RARB: variants seen among roughly 807,000 people sequenced by gnomAD.
RARB encodes the protein retinoic acid receptor beta, also known as HBV-activated protein.
RARB carries 17 observed loss-of-function variants against 51.9 expected under a neutral mutation model. The ratio of observed to expected loss-of-function variants is 0.33; its 90% confidence interval spans 0.22 to 0.49. The LOEUF (loss-of-function observed/expected upper bound fraction) is 0.49, where lower values mean the gene tolerates loss of function less well. Ranked by LOEUF, RARB falls within the 20% of genes least tolerant of loss-of-function variation. RARB has a pLI of 0.99. For missense variants in RARB, 369 were observed against 550.8 expected (o/e 0.67, Z 3.30); for synonymous variants, 215 against 195.4 (o/e 1.10, Z -0.84).
chr3:24,852,148 G>T (rs1351035661), intron 1 of RARB, among the ~76,000 whole-genome samples: 2 of 152,066 alleles, frequency 1.3e-5, no homozygotes, highest in African/African-American at 4.8e-5. Flanking sequence ...TTAGTGATGG[G>T]TTAACAGTAA....
intron 3 of RARB, among the ~76,000 whole-genome samples, chr3:25,112,746 C>T (rs756837999): frequency 6.6e-6 from 1 of 152,128 alleles, no homozygotes; most frequent in African/African-American, 2.4e-5. Context: ...CCACTGCACT[C>T]CAGCCTGGGT....
At chr3:25,389,475 G>A (rs959500524) in intron 5 of RARB, among the ~76,000 whole-genome samples, 1 of 152,122 alleles carries the variant, frequency 6.6e-6, no homozygotes, top group Non-Finnish European at 1.5e-5. Context: ...ATCAGTAAAA[G>A]GGTGCCAGCA....
intron 5 of RARB, among the ~76,000 whole-genome samples, chr3:25,387,775 C>T (rs1706838985): frequency 6.6e-6 from 1 of 152,008 alleles, no homozygotes; most frequent in African/African-American, 2.4e-5. Flanking sequence ...GCGTTCCCAC[C>T]CTCCTGACAA....
intron 5 of RARB, among the ~76,000 whole-genome samples, chr3:25,320,732 G>A (rs1704546796): frequency 1.3e-5 from 2 of 152,296 alleles, no homozygotes; most frequent in South Asian, 4.1e-4. Context: ...TGCTAAAGGA[G>A]CTTTTTGTGA....
intron 5 of RARB, among the ~76,000 whole-genome samples, chr3:25,360,824 G>A (rs1006184039): frequency 1.3e-5 from 2 of 152,158 alleles, no homozygotes; most frequent in African/African-American, 4.8e-5. Flanking sequence ...CTTCTGGCTT[G>A]TAGGGTTTCT....
rs78550961 is a variant in RARB at position 25,191,509 on chromosome 3, A to G, written c.178+16934A>G. On this transcript the variant is annotated intron_variant, in intron 5 of 11. Transcript: ENST00000383772. ...CAGGGAGATTCTGAGTAACTTTGTT[A>G]AATGAAGGAAAGAATCCAAAAATGG... is the stretch of plus-strand genomic sequence containing the variant. Among the ~76,000 whole-genome samples the G allele has an allele frequency of 2.2e-3, 335 of 152,244 alleles. 2 individuals carry two copies. The highest frequency in any genetic ancestry group is 0.02 in the East Asian group (104 of 5,166).
At chr3:25,083,968 G>A (rs1699058631) in intron 3 of RARB, among the ~76,000 whole-genome samples, 1 of 152,132 alleles carries the variant, frequency 6.6e-6, no homozygotes, top group African/African-American at 2.4e-5. Context: ...ATGTTGTCCA[G>A]TACTGTGTGG....
intron 5 of RARB, among the ~76,000 whole-genome samples, chr3:25,313,343 G>A (rs1704337336): frequency 6.6e-6 from 1 of 152,138 alleles, no homozygotes; most frequent in Admixed American, 6.5e-5. Context: ...AAGTTTCTAG[G>A]GACGGCCCTG....
chr3:24,864,328 C>A (rs1210938413), intron 2 of RARB, among the ~76,000 whole-genome samples: 1 of 152,170 alleles, frequency 6.6e-6, no homozygotes, highest in South Asian at 2.1e-4. Flanking sequence ...TTTTCCTTTG[C>A]CATTCAGTGT....
intron 5 of RARB, among the ~76,000 whole-genome samples, chr3:25,177,184 A>G (rs1301722870): frequency 6.6e-6 from 1 of 152,248 alleles, no homozygotes; most frequent in Non-Finnish European, 1.5e-5. Context: ...GCCACAATGA[A>G]TATGACTCTG....
At chr3:25,258,947 C>G in intron 5 of RARB, 1 of 767,262 alleles carries the variant, frequency 1.3e-6, no homozygotes, top group Non-Finnish European at 1.6e-6. Context: ...TAACTTTCAA[C>G]ACCACCACAC....
At chr3:25,317,236 G>A (rs1172853886) in intron 5 of RARB, among the ~76,000 whole-genome samples, 2 of 152,100 alleles carry the variant, frequency 1.3e-5, no homozygotes, top group Non-Finnish European at 2.9e-5. Flanking sequence ...AAGTAGGATA[G>A]TCACTAAATG....
Position 25,574,028 on chromosome 3 carries a change from G to C in RARB, c.609+4110G>C, listed in dbSNP as rs535869768. 3.4e-3 allele frequency among the ~76,000 whole-genome samples: 513 copies of C among 152,240 alleles called. 1 individual carries two copies. Among genetic ancestry groups the C allele is most frequent in the Middle Eastern group, 6.8e-3 (2 of 294 alleles). On this transcript the variant is annotated intron_variant, in intron 4 of 7. Coordinates refer to ENST00000330688, the MANE Select transcript of RARB (RefSeq NM_000965.5). ...GAAGGTTTCTACCCAATGACCCTCC[G>C]CCGCCATAAAAGGAGAGAGGGTGGA...
rs147001067 is a variant in RARB at position 25,042,906 on chromosome 3, T to C, written c.-379-17219T>C. Among the ~76,000 whole-genome samples the C allele has an allele frequency of 6.3e-3, 967 of 152,368 alleles. 4 individuals carry two copies. The highest frequency in any genetic ancestry group is 0.031 in the Middle Eastern group (9 of 294). On this transcript the variant is annotated intron_variant, in intron 2 of 11. Coordinates refer to the RARB transcript ENST00000383772. ...ACCACTTTTCTACTCTCTCCTTTTA[T>C]AATTTTCTCAGCTCTGATGTCAGGG...
intron 2 of RARB, among the ~76,000 whole-genome samples, chr3:25,011,597 A>G (rs980586573): frequency 6.6e-6 from 1 of 152,160 alleles, no homozygotes; most frequent in African/African-American, 2.4e-5. Flanking sequence ...TGGATTGACC[A>G]GGAAATCTCA....
chr3:25,059,754 A>G (rs1698510756), intron 2 of RARB, among the ~76,000 whole-genome samples: 1 of 151,420 alleles, frequency 6.6e-6, no homozygotes, highest in South Asian at 2.1e-4. Flanking sequence ...CCTCCTATTT[A>G]AAAAAAAGCA....
At chr3:25,124,790 T>C (rs561790895) in intron 3 of RARB, among the ~76,000 whole-genome samples, 3 of 152,332 alleles carry the variant, frequency 2.0e-5, no homozygotes, top group Admixed American at 1.3e-4. Context: ...TTTATTTGCC[T>C]CATGTTTGTT....
At chr3:25,507,274 C>T (rs908617865) in intron 3 of RARB, among the ~76,000 whole-genome samples, 1 of 150,588 alleles carries the variant, frequency 6.6e-6, no homozygotes, top group Admixed American at 6.7e-5. Flanking sequence ...TTAAATGTGA[C>T]CAGTTTTAAA....
intron 2 of RARB, among the ~76,000 whole-genome samples, chr3:24,998,339 A>G (rs565158991): frequency 6.6e-6 from 1 of 151,912 alleles, no homozygotes; most frequent in Non-Finnish European, 1.5e-5. Flanking sequence ...AATTTAAAAA[A>G]GTTATAAATT....
Sources: allele counts gnomAD v4.1 joint callset (sites outside exome capture counted in the v4.1 genomes callset), GRCh38; gene constraint gnomAD v4.1.1; transcripts MANE v1.5; gene names NCBI Gene and HGNC (gene_info 2026-07-23, HGNC 2026-07-21).